The following CNTNAP2 variants were observed in gnomAD, a reference collection of about 807,000 sequenced individuals.
The protein encoded by CNTNAP2 is contactin-associated protein-like 2.
Under a neutral mutation model 155.2 loss-of-function variants are expected in CNTNAP2, and 98 were observed. That is an observed-to-expected ratio of 0.63 (90% confidence interval 0.54 to 0.75). The LOEUF is 0.75. Ranked by LOEUF, CNTNAP2 falls within the 30% of genes least tolerant of loss-of-function variation. The probability of loss-of-function intolerance (pLI) is 0.00; values close to 1 mark genes in which losing one functional copy is unlikely to be tolerated. For missense variants in CNTNAP2, 1,727 were observed against 1,688.1 expected (o/e 1.02, Z -0.40); for synonymous variants, 651 against 631.2 (o/e 1.03, Z -0.47).
chr7:146,276,186 T>C (rs999758960), intron 1 of CNTNAP2, among the ~76,000 whole-genome samples: 4 of 152,222 alleles, frequency 2.6e-5, no homozygotes, highest in African/African-American at 7.2e-5. Flanking sequence ...TGAATATATT[T>C]ACTCCCTCTG....
chr7:147,292,371 C>T (rs1298275153), intron 8 of CNTNAP2, among the ~76,000 whole-genome samples: 1 of 152,036 alleles, frequency 6.6e-6, no homozygotes, highest in Non-Finnish European at 1.5e-5. Context: ...TATGATCTTT[C>T]TCTGATGATA....
At chr7:147,194,957 G>A (rs998125858) in intron 8 of CNTNAP2, among the ~76,000 whole-genome samples, 14 of 152,112 alleles carry the variant, frequency 9.2e-5, no homozygotes, top group African/African-American at 2.7e-4. Flanking sequence ...GGCTTTTGTT[G>A]TAATTGCTTT....
At chr7:147,708,789 T>G (rs1698800909) in intron 13 of CNTNAP2, among the ~76,000 whole-genome samples, 2 of 152,178 alleles carry the variant, frequency 1.3e-5, no homozygotes, top group South Asian at 4.2e-4. Flanking sequence ...CACTTATCTG[T>G]TGAATTCTAA....
intron 1 of CNTNAP2, among the ~76,000 whole-genome samples, chr7:146,163,207 A>G (rs1798252397): frequency 6.6e-6 from 1 of 152,090 alleles, no homozygotes; most frequent in Non-Finnish European, 1.5e-5. Flanking sequence ...AATGTACATA[A>G]TAATCAGTGA....
chr7:148,048,214 A>G (rs1183527560), intron 15 of CNTNAP2, among the ~76,000 whole-genome samples: 1 of 150,822 alleles, frequency 6.6e-6, no homozygotes, highest in Non-Finnish European at 1.5e-5. Flanking sequence ...GTGAGCCACC[A>G]CACCCAGCCA....
intron 13 of CNTNAP2, among the ~76,000 whole-genome samples, chr7:147,654,276 A>G (rs866322093): frequency 3.3e-5 from 5 of 152,216 alleles, no homozygotes; most frequent in African/African-American, 1.2e-4. Flanking sequence ...AAATTATAAT[A>G]TACTTTTTTG....
intron 10 of CNTNAP2, among the ~76,000 whole-genome samples, chr7:147,443,140 G>A (rs964750841): frequency 5.9e-5 from 9 of 152,068 alleles, no homozygotes; most frequent in African/African-American, 1.4e-4. Flanking sequence ...ATTTAGGGCC[G>A]GGCCTCAGGG....
At chr7:146,413,395 T>G (rs571933861) in intron 1 of CNTNAP2, among the ~76,000 whole-genome samples, 24 of 152,286 alleles carry the variant, frequency 1.6e-4, no homozygotes, top group Non-Finnish European at 2.6e-4. Flanking sequence ...TACAGGAGTT[T>G]CGGTGTTTTT....
chr7:147,653,453 A>G (rs1019692593), intron 13 of CNTNAP2, among the ~76,000 whole-genome samples: 4 of 152,216 alleles, frequency 2.6e-5, no homozygotes, highest in African/African-American at 9.6e-5. Flanking sequence ...CAGGACACTG[A>G]TACAGACATG....
chr7:146,502,236 T>TATATATATGA (rs1554441624), intron 1 of CNTNAP2, among the ~76,000 whole-genome samples: 114 of 76,722 alleles, frequency 1.5e-3, no homozygotes, highest in African/African-American at 4.2e-3. Flanking sequence ...TATATATATA[T>TATATATATGA]ATATATATAT....
At chr7:147,636,702 T>C (rs1424283041) in intron 12 of CNTNAP2, among the ~76,000 whole-genome samples, 1 of 152,214 alleles carries the variant, frequency 6.6e-6, no homozygotes, top group Non-Finnish European at 1.5e-5. Flanking sequence ...CTTTCGTTAA[T>C]TCCTCTTTCT....
chr7:146,340,829 C>A (rs534953664), intron 1 of CNTNAP2, among the ~76,000 whole-genome samples: 151 of 152,156 alleles, frequency 9.9e-4, no homozygotes, highest in African/African-American at 3.5e-3. Flanking sequence ...AGATTTAATT[C>A]TGTGCTTTAA....
chr7:148,072,987 TGTG>T (rs1375295191), intron 15 of CNTNAP2, among the ~76,000 whole-genome samples: 2 of 152,132 alleles, frequency 1.3e-5, no homozygotes, highest in African/African-American at 4.8e-5. Context: ...GGATTACAGG[TGTG>T]AGCCACCGTG....
chr7:147,430,346 G>T (rs1797444268), intron 10 of CNTNAP2, among the ~76,000 whole-genome samples: 1 of 152,162 alleles, frequency 6.6e-6, no homozygotes, highest in Non-Finnish European at 1.5e-5. Flanking sequence ...TTGGCTTTTA[G>T]TTAGCAGAAT....
intron 1 of CNTNAP2, among the ~76,000 whole-genome samples, chr7:146,377,245 A>G (rs1795316270): frequency 6.6e-6 from 1 of 152,148 alleles, no homozygotes; most frequent in South Asian, 2.1e-4. Context: ...ACTTTGAATT[A>G]TACAATACTG....
At chr7:146,596,736 C>T (rs919453079) in intron 1 of CNTNAP2, among the ~76,000 whole-genome samples, 3 of 151,514 alleles carry the variant, frequency 2.0e-5, no homozygotes, top group African/African-American at 4.9e-5. Context: ...AGCATGGATT[C>T]GAAAGTGAGC....
chr7:147,322,301 G>A (rs1795367494), intron 9 of CNTNAP2, among the ~76,000 whole-genome samples: 1 of 152,156 alleles, frequency 6.6e-6, no homozygotes, highest in East Asian at 1.9e-4. Context: ...TCTATGCAAG[G>A]GGGGAAAGTA....
At chr7:147,403,853 T>G (rs893752669) in intron 10 of CNTNAP2, among the ~76,000 whole-genome samples, 3 of 152,096 alleles carry the variant, frequency 2.0e-5, no homozygotes, top group African/African-American at 7.2e-5. Flanking sequence ...GTTTCTTTAG[T>G]GATGGTTTTT....
chr7:147,995,213 A>C (rs1434677990), intron 15 of CNTNAP2, among the ~76,000 whole-genome samples: 1 of 152,202 alleles, frequency 6.6e-6, no homozygotes, highest in East Asian at 1.9e-4. Flanking sequence ...GAAGAAAGGC[A>C]GTTGTTTAGC....
Sources: allele counts gnomAD v4.1 joint callset (sites outside exome capture counted in the v4.1 genomes callset), GRCh38; gene constraint gnomAD v4.1.1; transcripts MANE v1.5; gene names NCBI Gene and HGNC (gene_info 2026-07-23, HGNC 2026-07-21).